Variants in RNF24 observed in about 807,000 individuals in gnomAD.
RNF24 encodes the protein ring finger protein 24.
RNF24 carries 14 observed loss-of-function variants against 20.0 expected under a neutral mutation model. The observed-to-expected ratio is 0.70, with a 90% CI of 0.46 to 1.10. RNF24 has a LOEUF of 1.10. Ranked by LOEUF, RNF24 falls within the 50% of genes least tolerant of loss-of-function variation. RNF24 has a pLI of 0.00. For synonymous variants in RNF24, 45 were observed against 61.1 expected (o/e 0.74, Z 1.23); for missense variants, 124 against 177.6 (o/e 0.70, Z 1.71).
chr20:3,994,655 G>A (rs990929622), intron 1 of RNF24, among the ~76,000 whole-genome samples: 3 of 152,128 alleles, frequency 2.0e-5, no homozygotes, highest in South Asian at 2.1e-4. Flanking sequence ...GAAAGGTGAC[G>A]AGTCTTTGGA....
intron 2 of RNF24, among the ~76,000 whole-genome samples, chr20:3,957,085 G>C (rs949856319): frequency 2.0e-5 from 3 of 151,932 alleles, no homozygotes; most frequent in Non-Finnish European, 4.4e-5. Context: ...TTGAGGTCAG[G>C]AGTTCCAGAT....
intron 4 of RNF24, 48 bp from the exon 5 acceptor site, chr20:3,935,121 C>T: frequency 2.0e-6 from 3 of 1,537,340 alleles, no homozygotes; most frequent in Non-Finnish European, 2.7e-6. Context: ...TAAGTACCCT[C>T]CCAGGTACAA....
Position 3,998,500 on chromosome 20 carries a change from G to A in RNF24, c.-8+16937C>T, listed in dbSNP as rs145074852. ...TGAGGCTGGAGAATCACTTGAACCC[G>A]AGAGGTGGAGGTTGCAGTGAGCCGA... On this transcript the variant is annotated intron_variant, in intron 1 of 5. Transcript: ENST00000358395. Among the ~76,000 whole-genome samples the A allele has an allele frequency of 4.7e-3, 660 of 141,478 alleles. 2 individuals are homozygous for A. Among genetic ancestry groups the A allele is most frequent in the African/African-American group, 0.016 (617 of 38,694 alleles). The allele number at this position is 141,478 out of a possible 152,430, so 92.8% of individuals were successfully genotyped here. A position where few individuals can be genotyped will look rare whatever the true frequency, so the allele number is the denominator to read the frequency against.
At chr20:3,937,144 G>T (rs2090900844) in intron 4 of RNF24, among the ~76,000 whole-genome samples, 1 of 152,068 alleles carries the variant, frequency 6.6e-6, no homozygotes, top group African/African-American at 2.4e-5. Flanking sequence ...GCCCCAAAAT[G>T]GAGTTACTAT....
intron 1 of RNF24, among the ~76,000 whole-genome samples, chr20:3,990,457 C>T (rs1980337225): frequency 6.6e-6 from 1 of 152,158 alleles, no homozygotes; most frequent in South Asian, 2.1e-4. Context: ...TTGTACCAGG[C>T]TCTTCACACA....
At chr20:3,962,835 G>GGATT (rs1016184229) in intron 2 of RNF24, among the ~76,000 whole-genome samples, 24 of 151,396 alleles carry the variant, frequency 1.6e-4, no homozygotes, top group Admixed American at 1.4e-3. Flanking sequence ...CAAGTAGCTG[G>GGATT]GATTACAGGT....
intron 3 of RNF24, among the ~76,000 whole-genome samples, chr20:3,947,491 T>C (rs909061147): frequency 6.6e-6 from 1 of 152,180 alleles, no homozygotes; most frequent in African/African-American, 2.4e-5. Context: ...TTCTAGTGGA[T>C]AATATGAGCT....
rs140369769 is a variant in RNF24 at position 3,989,267 on chromosome 20, G to A, written c.-7-25243C>T. Among the ~76,000 whole-genome samples the A allele has an allele frequency of 8.0e-3, 1,225 of 152,192 alleles. 5 individuals carry two copies. Among genetic ancestry groups the A allele is most frequent in the Middle Eastern group, 0.031 (9 of 294 alleles). On this transcript the variant is annotated intron_variant, in intron 1 of 5. Transcript: ENST00000358395. ...AGCACTTTAGGAGGCCGAGGCAGGCGGATCACGAGGTCAGGAGATCAAGAC... is the reference window on the plus strand; with the variant it reads ...AGCACTTTAGGAGGCCGAGGCAGGCAGATCACGAGGTCAGGAGATCAAGAC...
At chr20:3,948,116 T>C (rs993774186) in intron 3 of RNF24, 121 bp downstream of exon 3, 1 of 684,106 alleles carries the variant, frequency 1.5e-6, no homozygotes, top group Non-Finnish European at 2.5e-6. Context: ...AAATTGGCAG[T>C]GAGATGCTAA....
rs11470036 is a variant in RNF24, at chr20:3,933,063, C to CTT, written c.*998_*999dup. 6.0e-4 allele frequency: 185 copies of CTT among 306,694 alleles called. No individual in the cohort carries two copies. The highest frequency in any genetic ancestry group is 4.2e-3 in the East Asian group (93 of 22,160). The allele number at this position is 306,694 out of a possible 1,614,324, so 19.0% of individuals were successfully genotyped here. On this transcript the variant is annotated 3_prime_UTR_variant, in exon 6 of 6. Coordinates refer to ENST00000358395, the MANE Select transcript of RNF24 (RefSeq NM_001134337.3). ...AAAGTGTTAAAAAGTGAATGACAGG[C>CTT]TTTTTTTTTTTTTTTTTTTTTTTTC... is the stretch of plus-strand genomic sequence containing the variant.
intron 1 of RNF24, among the ~76,000 whole-genome samples, chr20:3,991,372 T>C (rs1209471935): frequency 6.6e-6 from 1 of 151,364 alleles, no homozygotes; most frequent in East Asian, 1.9e-4. Context: ...CTGCCTCAGC[T>C]TCCCAAGCAG....
intron 2 of RNF24, among the ~76,000 whole-genome samples, chr20:3,959,559 A>C (rs1194693177): frequency 6.6e-6 from 1 of 152,230 alleles, no homozygotes; most frequent in Non-Finnish European, 1.5e-5. Flanking sequence ...ATAATGATCA[A>C]ATCAGGGTAA....
intron 1 of RNF24, among the ~76,000 whole-genome samples, chr20:3,995,124 C>T (rs1227414494): frequency 1.3e-5 from 2 of 152,178 alleles, no homozygotes; most frequent in Non-Finnish European, 2.9e-5. Context: ...TGAGTTTAGC[C>T]ACGCCCCACC....
intron 1 of RNF24, among the ~76,000 whole-genome samples, chr20:3,995,858 A>G (rs897791735): frequency 5.9e-5 from 9 of 152,120 alleles, no homozygotes; most frequent in Admixed American, 3.9e-4. Context: ...AAAAATCACA[A>G]TCATTTCAGA....
intron 1 of RNF24, among the ~76,000 whole-genome samples, chr20:4,004,834 A>C (rs1235841163): frequency 6.6e-6 from 1 of 152,222 alleles, no homozygotes; most frequent in East Asian, 1.9e-4. Flanking sequence ...AATGTTAAGA[A>C]ACTAATAAAC....
rs188565519 is a variant in RNF24 at position 4,004,929 on chromosome 20, T to C, written c.-8+10508A>G. Among the ~76,000 whole-genome samples the C allele has an allele frequency of 3.0e-4, 45 of 152,356 alleles. 1 individual carries two copies. The East Asian group carries it at 7.7e-3, about 26-fold the overall frequency. On this transcript the variant is annotated intron_variant, in intron 1 of 5. Transcript: ENST00000358395. Reference sequence around the variant, plus strand: ...AGCATCAGAAGAGATTTAAAAAATATAGATTCTGCCCCCTACCCCAAATCT... The same window carrying C: ...AGCATCAGAAGAGATTTAAAAAATACAGATTCTGCCCCCTACCCCAAATCT...
At chr20:4,007,848 T>C (rs560461134) in intron 1 of RNF24, among the ~76,000 whole-genome samples, 87 of 151,104 alleles carry the variant, frequency 5.8e-4, no homozygotes, top group Non-Finnish European at 1.1e-3. Flanking sequence ...CCCTGGAGGT[T>C]AAGGCTGCAG....
intron 1 of RNF24, among the ~76,000 whole-genome samples, chr20:4,007,763 A>G (rs1982002131): frequency 6.6e-6 from 1 of 151,140 alleles, no homozygotes; most frequent in African/African-American, 2.4e-5. Flanking sequence ...AAAAAGAAAA[A>G]AAATTAGCCT....
chr20:3,938,691 T>TC (rs1237343357), intron 4 of RNF24, among the ~76,000 whole-genome samples: 1 of 152,186 alleles, frequency 6.6e-6, no homozygotes, highest in Non-Finnish European at 1.5e-5. Flanking sequence ...GAATACTTTG[T>TC]CCCTGTGGGT....
Sources: gnomAD v4.1 joint callset for allele counts (sites outside exome capture counted in the v4.1 genomes callset) on GRCh38, gnomAD v4.1.1 for gene constraint, MANE v1.5 for transcripts, NCBI Gene and HGNC (gene_info 2026-07-23, HGNC 2026-07-21) for gene names.